The following NID2 variants were observed in gnomAD, a reference collection of about 807,000 sequenced individuals.
The protein encoded by NID2 is nidogen-2.
A neutral mutation model predicts 145.4 loss-of-function variants in NID2; 83 were observed. The ratio of observed to expected loss-of-function variants is 0.57; its 90% CI spans 0.48 to 0.69. The LOEUF is 0.69. Ranked by LOEUF, NID2 falls within the 30% of genes least tolerant of loss-of-function variation. The probability of loss-of-function intolerance (pLI) is 0.00; values close to 1 mark genes in which losing one functional copy is unlikely to be tolerated. For missense variants in NID2, 1,807 were observed against 1,765.7 expected (o/e 1.02, Z -0.42); for synonymous variants, 739 against 701.3 (o/e 1.05, Z -0.85).
chr14:52,010,674 A>C, intron 18 of NID2: 1 of 534,852 alleles, frequency 1.9e-6, no homozygotes, highest in East Asian at 2.9e-5. Flanking sequence ...CTCCTAATAA[A>C]ATATAAGTGC....
At chr14:52,047,348 A>T (rs1459093146) in intron 5 of NID2, among the ~76,000 whole-genome samples, 1 of 152,058 alleles carries the variant, frequency 6.6e-6, no homozygotes, top group Non-Finnish European at 1.5e-5. Context: ...GGAGGAGGTG[A>T]GGGAGTGAAC....
At chr14:52,064,317 T>G (rs1225286395) in intron 2 of NID2, among the ~76,000 whole-genome samples, 1 of 152,204 alleles carries the variant, frequency 6.6e-6, no homozygotes, top group Non-Finnish European at 1.5e-5. Context: ...ATTTACTTCT[T>G]ACAATTATGG....
rs1351044321 is a variant in NID2, at chr14:52,010,919, CTG to C, written c.3677_3678del (p.Thr1226ArgfsTer24). 1 of 1,613,884 alleles carries C rather than the reference CTG, an allele frequency of 6.2e-7. No homozygotes were observed. The highest frequency in any genetic ancestry group is 8.5e-7 in the Non-Finnish European group (1 of 1,180,028). ...GCGATGGCACGGGGATTCACCAGAT[CTG>C]TGTAGAAGAGGACCTTGCGCTCAGA... ...DGSERKVLFYTDLVNPRAIAV... is the reference protein window; with the variant it reads ...DGSERKVLFYXDLVNPRAIAV... On this transcript the variant is annotated frameshift_variant, in exon 18 of 22. Transcript: ENST00000216286. LOFTEE classifies it high-confidence loss of function.
At chr14:52,048,523 T>C (rs549658366) in intron 5 of NID2, among the ~76,000 whole-genome samples, 4 of 152,266 alleles carry the variant, frequency 2.6e-5, no homozygotes, top group African/African-American at 7.2e-5. Flanking sequence ...TGGCACTTTT[T>C]CTTTTCGGTG....
chr14:52,006,035 C>A, intron 20 of NID2, 186 bp from the exon 21 acceptor site: 1 of 576,380 alleles, frequency 1.7e-6, no homozygotes, highest in Non-Finnish European at 3.1e-6. Context: ...TCTCTAGCTG[C>A]ATGTTAGAAT....
intron 3 of NID2, among the ~76,000 whole-genome samples, chr14:52,057,689 G>A (rs1202430686): frequency 1.1e-4 from 12 of 112,718 alleles, no homozygotes; most frequent in African/African-American, 4.3e-4. Context: ...GGCGACAAGA[G>A]CGAACCTCCG....
intron 9 of NID2, among the ~76,000 whole-genome samples, chr14:52,033,405 CCAA>C (rs919097050): frequency 2.6e-5 from 4 of 152,168 alleles, no homozygotes; most frequent in South Asian, 2.1e-4. Context: ...AACCAACCAA[CCAA>C]CAACAACAAA....
chr14:52,057,536 C>T (rs553539252), intron 3 of NID2, among the ~76,000 whole-genome samples: 1 of 151,696 alleles, frequency 6.6e-6, no homozygotes, highest in East Asian at 1.9e-4. Flanking sequence ...AACCCAGTCT[C>T]TACGAAAAAT....
At chr14:52,026,381 C>T (rs1891587023) in intron 12 of NID2, among the ~76,000 whole-genome samples, 1 of 152,188 alleles carries the variant, frequency 6.6e-6, no homozygotes, top group Admixed American at 6.5e-5. Flanking sequence ...TCATGTTCCC[C>T]AGCAGGCCCT....
chr14:52,010,978 A>G lies in NID2; in HGVS notation c.3620T>C (p.Leu1207Pro), dbSNP rs1340913705. 2 of 1,614,220 alleles carry G rather than the reference A, an allele frequency of 1.2e-6. No individual in the cohort carries two copies. Among genetic ancestry groups the G allele is most frequent in the Non-Finnish European group, 1.7e-6 (2 of 1,180,046 alleles). ...RRTMYWTDSV[L>P]DKIESALLDG... ...CAGCAGGGCGCTCTCTATCTTATCC[A>G]GGACACTGTCCGTCCAGTACATTGT... is the stretch of plus-strand genomic sequence containing the variant. The change falls in exon 18 of 22, where the codon CTG becomes CCG. Residue 1207 changes from leucine to proline, a missense_variant. Coordinates refer to ENST00000216286, the MANE Select transcript of NID2 (RefSeq NM_007361.4).
chr14:52,009,796 G>A (rs1287363411), intron 18 of NID2: 2 of 152,310 alleles, frequency 1.3e-5, no homozygotes, highest in East Asian at 3.9e-4. Flanking sequence ...AGGAGTTGGA[G>A]ACCAAAATGG....
intron 9 of NID2, among the ~76,000 whole-genome samples, chr14:52,030,589 A>AGAACGGAAGGAAGG (rs1595024549): frequency 2.2e-4 from 9 of 41,372 alleles, no homozygotes; most frequent in South Asian, 1.7e-3. Context: ...AAAGAAAGAA[A>AGAACGGAAGGAAGG]GAAAGAAAGA....
chr14:52,007,792 T>A lies in NID2; in HGVS notation c.3880+18A>T. On this transcript the variant is annotated intron_variant, in intron 19 of 21. Transcript: ENST00000216286. ...TGTGATGAGAGGTTATCTATTTGCA[T>A]TCCATCAGTAGTATTACCTGCATCT... 1 of 1,607,166 alleles carries A rather than the reference T, an allele frequency of 6.2e-7. No individual in the cohort carries two copies. Among genetic ancestry groups the A allele is most frequent in the Middle Eastern group, 1.7e-4 (1 of 6,034 alleles).
At chr14:52,065,456 CT>C (rs59908743) in intron 2 of NID2, among the ~76,000 whole-genome samples, 2,265 of 128,630 alleles carry the variant, frequency 0.018, 42 homozygotes, top group African/African-American at 0.039. Context: ...ATCCTCCTTT[CT>C]TTTTTTTTTT....
Position 52,068,035 on chromosome 14 carries a change from TCTGCC to T in NID2, c.352_356del (p.Gly118ArgfsTer70). ...TGTCCTCTCGGTACAGGACTCGGCC[TCTGCC>T]GTGGCTCGTGTCGATGTCCGCCAGA... On this transcript the variant is annotated frameshift_variant, in exon 2 of 22. Transcript: ENST00000216286. LOFTEE classifies it high-confidence loss of function. The T allele has an allele frequency of 6.2e-7, 1 of 1,613,932 alleles. No individual in the cohort carries two copies.
At chr14:52,014,220 G>A (rs1367093133) in intron 16 of NID2, 67 bp downstream of exon 16, 1 of 1,588,540 alleles carries the variant, frequency 6.3e-7, no homozygotes, top group South Asian at 1.1e-5. Context: ...CTGCAACAGG[G>A]CCTGTGAGGT....
intron 11 of NID2, 24 bp from the exon 12 acceptor site, chr14:52,027,368 C>T: frequency 6.7e-7 from 1 of 1,501,528 alleles, no homozygotes; most frequent in South Asian, 1.3e-5. Flanking sequence ...AAGATAAGGG[C>T]ATCCAGAGTT....
At chr14:52,025,247 G>A (rs1891548910) in intron 12 of NID2, among the ~76,000 whole-genome samples, 1 of 152,236 alleles carries the variant, frequency 6.6e-6, no homozygotes, top group Non-Finnish European at 1.5e-5. Flanking sequence ...TATCTGTAAA[G>A]AGTGTATCTA....
chr14:52,032,582 A>C (rs1442182453), intron 9 of NID2, among the ~76,000 whole-genome samples: 1 of 45,062 alleles, frequency 2.2e-5, no homozygotes. Flanking sequence ...GAACGTGATC[A>C]TCTCCCATCA....
Sources: allele counts gnomAD v4.1 joint callset (sites outside exome capture counted in the v4.1 genomes callset), GRCh38; gene constraint gnomAD v4.1.1; transcripts MANE v1.5; gene names NCBI Gene and HGNC (gene_info 2026-07-23, HGNC 2026-07-21).